The following CACNA1A variants were observed in gnomAD, a reference collection of about 807,000 sequenced individuals.
CACNA1A encodes calcium voltage-gated channel subunit alpha1 A, also known as voltage-dependent P/Q-type calcium channel subunit alpha-1A.
Under a neutral mutation model 262.4 loss-of-function variants are expected in CACNA1A, and 57 were observed. The observed-to-expected ratio is 0.22, with a 90% confidence interval of 0.18 to 0.27. CACNA1A has a LOEUF of 0.27. CACNA1A is among the 10% of genes least tolerant of loss of function. CACNA1A has a pLI of 1.00. For synonymous variants in CACNA1A, 1,431 were observed against 1,419.3 expected (o/e 1.01, Z -0.18); for missense variants, 2,526 against 3,562.8 (o/e 0.71, Z 7.41).
chr19:13,462,971 G>C (rs548487346), intron 1 of CACNA1A, among the ~76,000 whole-genome samples: 1 of 152,038 alleles, frequency 6.6e-6, no homozygotes, highest in South Asian at 2.1e-4. Flanking sequence ...ATGTTGCCTA[G>C]GCTGGTCTTG....
At chr19:13,268,311 G>A (rs558820307) in intron 24 of CACNA1A, among the ~76,000 whole-genome samples, 2 of 152,250 alleles carry the variant, frequency 1.3e-5, no homozygotes, top group African/African-American at 4.8e-5. Context: ...GGCTCATTAG[G>A]CGCCTTCAAC....
In CACNA1A at chr19:13,317,290, A is replaced by C. The variant is rs769335170; in HGVS notation, c.1377T>G (p.Ser459Arg). Residue 459 changes from serine (S) to arginine (R), a missense_variant, in exon 11 of 47, where the codon AGT becomes AGG. Ser to Arg is a moderately radical substitution (Grantham distance 110, BLOSUM62 -1). Around this residue, in one of 17 missense-constraint regions of CACNA1A, gnomAD observed 104 missense variants for 127.6 expected, o/e 0.81. Transcript: ENST00000360228. The stretch of plus-strand genomic sequence containing the variant: ...AAAAGGTCGAGTTCTCCAGCTTGGC[A>C]CTTTTAATGCTGGCTCGGGCGAAGG... ...GSPFARASIK[S>R]AKLENSTFFH... 8 of 1,610,086 alleles carry C rather than the reference A, an allele frequency of 5.0e-6. No individual in the cohort carries two copies. Among genetic ancestry groups the C allele is most frequent in the African/African-American group, 2.7e-5 (2 of 74,846 alleles).
At chr19:13,305,273 CA>C (rs1382532065) in intron 15 of CACNA1A, among the ~76,000 whole-genome samples, 1 of 152,084 alleles carries the variant, frequency 6.6e-6, no homozygotes, top group Non-Finnish European at 1.5e-5. Flanking sequence ...AGGTGTGGCA[CA>C]AAAAATTCAC....
At chr19:13,413,923 G>GA (rs1475009293) in intron 3 of CACNA1A, among the ~76,000 whole-genome samples, 23 of 135,804 alleles carry the variant, frequency 1.7e-4, no homozygotes, top group African/African-American at 6.0e-4. Context: ...AAGAAAGAAA[G>GA]AAAGAAAGAA....
chr19:13,490,917 G>C (rs1980790911), intron 1 of CACNA1A, among the ~76,000 whole-genome samples: 2 of 140,358 alleles, frequency 1.4e-5, no homozygotes, highest in Non-Finnish European at 3.1e-5. Context: ...AGAAGGAAGG[G>C]AGGGAGGGAG....
intron 19 of CACNA1A, among the ~76,000 whole-genome samples, chr19:13,291,386 G>A (rs2057534287): frequency 6.6e-6 from 1 of 151,846 alleles, no homozygotes; most frequent in South Asian, 2.1e-4. Flanking sequence ...ACCACCATCC[G>A]AGATGGGTAT....
At position 13,259,324 on chromosome 19, in the gene CACNA1A, TTTTTTTTTTTTTTTTTTTG is replaced by T. The variant is rs1209110610; in HGVS notation, c.4388+221_4388+239del. 56 of 118,370 alleles carry T rather than the reference TTTTTTTTTTTTTTTTTTTG, an allele frequency of 4.7e-4. 3 individuals are homozygous for T. The highest frequency in any genetic ancestry group is 1.1e-3 in the Admixed American group (12 of 11,064). 7.3% of individuals were successfully genotyped at this position (118,370 alleles called of 1,614,324 possible). A position where few individuals can be genotyped will look rare whatever the true frequency, so the allele number is the denominator to read the frequency against. On this transcript the variant is annotated intron_variant, in intron 27 of 46. Coordinates refer to ENST00000360228, the MANE Select transcript of CACNA1A (RefSeq NM_001127222.2). ...CCATGCCTGGCAGCTTTTTTTTTTTTTTTTTTTTTTTTTTTTTTGGGATTTTTAGTAGAAATGGAGTTTT... is the reference window on the plus strand; with the variant it reads ...CCATGCCTGGCAGCTTTTTTTTTTTTGGATTTTTAGTAGAAATGGAGTTTT...
chr19:13,461,855 G>T (rs1341000927), intron 1 of CACNA1A, among the ~76,000 whole-genome samples: 1 of 152,174 alleles, frequency 6.6e-6, no homozygotes, highest in African/African-American at 2.4e-5. Context: ...ATCCCTGATG[G>T]GAGGAAAAGC....
rs938611537 is a variant in CACNA1A, at chr19:13,505,847, C to CG, written c.293+84dup. 2.1e-6 allele frequency: 3 copies of CG among 1,413,138 alleles called. No individual in the cohort carries two copies. The African/African-American group carries it at 4.3e-5, about 20-fold the overall frequency. 87.5% of individuals were successfully genotyped at this position (1,413,138 alleles called of 1,614,324 possible). A position where few individuals can be genotyped will look rare whatever the true frequency, so the allele number is the denominator to read the frequency against. ...CTCCTCCCCACCTCCCATCAACCCC[C>CG]GGGTCTCTCTCCCAGCCTGGAAGAG... On this transcript the variant is annotated intron_variant, in intron 1 of 46. Transcript: ENST00000360228.
chr19:13,412,106 C>T (rs756097843), intron 3 of CACNA1A, among the ~76,000 whole-genome samples: 1 of 152,112 alleles, frequency 6.6e-6, no homozygotes, highest in Non-Finnish European at 1.5e-5. Context: ...CCCTCCCCAC[C>T]TCCATGACCA....
At chr19:13,267,304 C>T (rs1400972126) in intron 24 of CACNA1A, among the ~76,000 whole-genome samples, 5 of 152,294 alleles carry the variant, frequency 3.3e-5, no homozygotes, top group African/African-American at 1.2e-4. Flanking sequence ...GAGTCCCGCC[C>T]GGGCAGCAGT....
intron 3 of CACNA1A, among the ~76,000 whole-genome samples, chr19:13,408,450 C>G (rs1232926285): frequency 6.6e-6 from 1 of 152,174 alleles, no homozygotes; most frequent in Non-Finnish European, 1.5e-5. Context: ...GTATAAGGAA[C>G]CTGGGTAAGT....
chr19:13,222,950 C>A (rs2055290263), intron 38 of CACNA1A, among the ~76,000 whole-genome samples: 1 of 152,306 alleles, frequency 6.6e-6, no homozygotes, highest in East Asian at 1.9e-4. Context: ...ACCTTGGCCT[C>A]CCAAAGTGCT....
intron 6 of CACNA1A, 41 bp from the exon 7 acceptor site, chr19:13,335,950 G>T: frequency 1.7e-6 from 2 of 1,203,632 alleles, no homozygotes; most frequent in Non-Finnish European, 2.4e-6. Flanking sequence ...GAGTTGACTG[G>T]GACTCAGATA....
intron 3 of CACNA1A, among the ~76,000 whole-genome samples, chr19:13,448,477 T>G (rs554746769): frequency 6.6e-6 from 1 of 151,976 alleles, no homozygotes; most frequent in Non-Finnish European, 1.5e-5. Context: ...GTAATAGATC[T>G]GCACTTGTAC....
intron 3 of CACNA1A, among the ~76,000 whole-genome samples, chr19:13,424,629 A>C (rs2060370642): frequency 6.6e-6 from 1 of 151,432 alleles, no homozygotes; most frequent in Non-Finnish European, 1.5e-5. Context: ...ACCATCATGC[A>C]CACTAACTTA....
chr19:13,297,277 G>A (rs975196863), intron 19 of CACNA1A, among the ~76,000 whole-genome samples: 1 of 152,174 alleles, frequency 6.6e-6, no homozygotes. Flanking sequence ...AATTCTGGAC[G>A]ACAGTGGGGC....
intron 1 of CACNA1A, among the ~76,000 whole-genome samples, chr19:13,489,571 C>G (rs957030764): frequency 2.6e-5 from 4 of 152,180 alleles, no homozygotes; most frequent in African/African-American, 9.7e-5. Flanking sequence ...TGAGCCCAGC[C>G]TGGTCTGCAT....
chr19:13,307,715 G>A (rs2057935135), intron 15 of CACNA1A, 67 bp downstream of exon 15: 3 of 1,338,636 alleles, frequency 2.2e-6, no homozygotes, highest in Non-Finnish European at 2.1e-6. Flanking sequence ...CCCCTTGGAT[G>A]TGGAGCAGGC....
Sources: allele counts gnomAD v4.1 joint callset (sites outside exome capture counted in the v4.1 genomes callset), GRCh38; gene constraint gnomAD v4.1.1; regional missense constraint gnomAD v4.1.1; transcripts MANE v1.5; gene names NCBI Gene and HGNC (gene_info 2026-07-23, HGNC 2026-07-21).